The following TUSC3 variants were observed in gnomAD, a reference collection of about 807,000 sequenced individuals.
TUSC3 encodes dolichyl-diphosphooligosaccharide--protein glycosyltransferase subunit TUSC3.
TUSC3 carries 45 observed loss-of-function variants against 44.8 expected under a neutral mutation model. The observed-to-expected ratio is 1.00, with a 90% CI of 0.79 to 1.29. The LOEUF is 1.29. Among genes scored for constraint, TUSC3 ranks in the 50% most tolerant of loss-of-function variants. The pLI, the probability that TUSC3 is intolerant of heterozygous loss-of-function variation, is 0.00. For synonymous variants in TUSC3, 212 were observed against 152.9 expected, an observed-to-expected ratio of 1.39 and a Z score of -2.85; for missense variants, 519 against 437.9, an observed-to-expected ratio of 1.19 and a Z score of -1.65.
chr8:15,455,330 G>C (rs1266165378), intron 1 of TUSC3, among the ~76,000 whole-genome samples: 1 of 152,118 alleles, frequency 6.6e-6, no homozygotes, highest in Non-Finnish European at 1.5e-5. Context: ...TGGTTTTATA[G>C]ATTGAGGAGC....
In TUSC3 at chr8:15,448,108, C is replaced by CATATACATATATATATATATAT. The variant is rs55661131; in HGVS notation, n.91+30808_91+30809insCATATATATATATATATATATA. On this transcript the variant is annotated intron_variant and non_coding_transcript_variant, in intron 1 of 5. Coordinates refer to the TUSC3 transcript ENST00000503191. ...ATTCAACTGTATGGTAGTGTATATA[C>CATATACATATATATATATATAT]ATATATATATATTTATTTATTTATT... 6.1e-4 allele frequency among the ~76,000 whole-genome samples: 59 copies of CATATACATATATATATATATAT among 96,442 alleles called. 4 individuals are homozygous for CATATACATATATATATATATAT. The highest frequency in any genetic ancestry group is 2.6e-3 in the African/African-American group (51 of 19,320). The allele number at this position is 96,442 out of a possible 152,430, so 63.3% of individuals were successfully genotyped here. A position where few individuals can be genotyped will look rare whatever the true frequency, so the allele number is the denominator to read the frequency against.
At chr8:15,789,348 C>A in the TUSC3 span, among the ~76,000 whole-genome samples, 3 of 152,134 alleles carry the variant, frequency 2.0e-5, no homozygotes, top group Admixed American at 6.5e-5. Flanking sequence ...AGAATGAAAT[C>A]ATAGAAAATA....
chr8:15,707,517 T>G (rs941090822), intron 6 of TUSC3, among the ~76,000 whole-genome samples: 2 of 152,010 alleles, frequency 1.3e-5, no homozygotes, highest in African/African-American at 2.4e-5. Context: ...CATTTTTCTC[T>G]CTTGATGTTT....
chr8:15,784,147 C>T, the TUSC3 span, among the ~76,000 whole-genome samples: 5 of 151,974 alleles, frequency 3.3e-5, no homozygotes, highest in African/African-American at 7.3e-5. Context: ...CCATGAGATA[C>T]GACCTCACAA....
At chr8:15,668,575 A>G (rs1360343352) in intron 5 of TUSC3, among the ~76,000 whole-genome samples, 2 of 151,790 alleles carry the variant, frequency 1.3e-5, no homozygotes, top group African/African-American at 2.4e-5. Flanking sequence ...GTATATCAGT[A>G]ACATACAAAT....
the TUSC3 span, among the ~76,000 whole-genome samples, chr8:15,831,611 C>T: frequency 2.0e-5 from 3 of 152,096 alleles, no homozygotes; most frequent in African/African-American, 7.2e-5. Context: ...AACCTGATAA[C>T]AACCTGATAG....
At chr8:15,718,064 T>C (rs1810132083) in intron 6 of TUSC3, among the ~76,000 whole-genome samples, 1 of 152,156 alleles carries the variant, frequency 6.6e-6, no homozygotes, top group Non-Finnish European at 1.5e-5. Flanking sequence ...GATTCAAAGA[T>C]GTTTGACATA....
At chr8:15,646,383 G>T (rs915524823) in intron 2 of TUSC3, among the ~76,000 whole-genome samples, 9 of 152,088 alleles carry the variant, frequency 5.9e-5, no homozygotes, top group African/African-American at 2.2e-4. Flanking sequence ...TATGTACGTA[G>T]TGGGGAACAT....
intron 1 of TUSC3, among the ~76,000 whole-genome samples, chr8:15,577,412 G>T (rs533052885): frequency 1.2e-4 from 18 of 151,846 alleles, no homozygotes; most frequent in African/African-American, 4.3e-4. Context: ...AATGGTAAAT[G>T]CCTAGGTTTT....
At chr8:15,775,675 C>T in the TUSC3 span, among the ~76,000 whole-genome samples, 13 of 135,662 alleles carry the variant, frequency 9.6e-5, no homozygotes, top group African/African-American at 3.4e-4. Context: ...TATATACACA[C>T]ATAAATACAT....
intron 1 of TUSC3, among the ~76,000 whole-genome samples, chr8:15,451,223 A>G (rs1481571691): frequency 6.6e-6 from 1 of 152,174 alleles, no homozygotes; most frequent in Non-Finnish European, 1.5e-5. Flanking sequence ...ACTTATATCT[A>G]TATTTGGTCT....
intron 1 of TUSC3, among the ~76,000 whole-genome samples, chr8:15,616,372 G>A (rs1198928773): frequency 1.3e-5 from 2 of 152,192 alleles, no homozygotes; most frequent in African/African-American, 4.8e-5. Context: ...GAGGTCAGGA[G>A]TTGGAGACCA....
At chr8:15,465,362 G>T (rs1454266215) in intron 1 of TUSC3, among the ~76,000 whole-genome samples, 1 of 152,150 alleles carries the variant, frequency 6.6e-6, no homozygotes, top group Admixed American at 6.6e-5. Context: ...AAAGTAGGGA[G>T]AGGTTAAAAA....
At chr8:15,676,703 C>T (rs1025055939) in intron 6 of TUSC3, among the ~76,000 whole-genome samples, 6 of 152,128 alleles carry the variant, frequency 3.9e-5, no homozygotes, top group African/African-American at 1.4e-4. Context: ...CTGCTAAACA[C>T]CTAAAATACA....
At chr8:15,511,205 A>G (rs1436548459) in intron 2 of TUSC3, among the ~76,000 whole-genome samples, 1 of 151,994 alleles carries the variant, frequency 6.6e-6, no homozygotes, top group African/African-American at 2.4e-5. Flanking sequence ...TACTACTCCT[A>G]TTCAGTATAG....
intron 1 of TUSC3, among the ~76,000 whole-genome samples, chr8:15,468,837 C>G (rs1001029992): frequency 6.6e-6 from 1 of 151,732 alleles, no homozygotes; most frequent in East Asian, 1.9e-4. Flanking sequence ...AAATATCTTT[C>G]TGTTTTAGAA....
At chr8:15,489,108 C>T (rs1029924720) in intron 2 of TUSC3, among the ~76,000 whole-genome samples, 2 of 152,168 alleles carry the variant, frequency 1.3e-5, no homozygotes, top group African/African-American at 2.4e-5. Context: ...ATGTGTCCAA[C>T]ATGGTTGGGT....
intron 1 of TUSC3, among the ~76,000 whole-genome samples, chr8:15,597,565 A>G (rs1409948138): frequency 6.6e-6 from 1 of 152,262 alleles, no homozygotes; most frequent in East Asian, 1.9e-4. Flanking sequence ...AGCCTATAAA[A>G]TATGAATAAC....
chr8:15,631,858 G>A (rs1233047493), intron 2 of TUSC3, among the ~76,000 whole-genome samples: 1 of 151,800 alleles, frequency 6.6e-6, no homozygotes, highest in East Asian at 1.9e-4. Flanking sequence ...GGCACCTGCC[G>A]CCATGCCTGG....
Sources: gnomAD v4.1 joint callset for allele counts (sites outside exome capture counted in the v4.1 genomes callset) on GRCh38, gnomAD v4.1.1 for gene constraint, MANE v1.5 for transcripts, NCBI Gene and HGNC (gene_info 2026-07-23, HGNC 2026-07-21) for gene names.